GSE1: variants seen among roughly 807,000 people sequenced by gnomAD.
GSE1 encodes the protein genetic suppressor element 1.
GSE1 carries 32 observed loss-of-function variants against 112.6 expected under a neutral mutation model. The observed-to-expected ratio is 0.28, with a 90% CI of 0.21 to 0.38. The LOEUF (loss-of-function observed/expected upper bound fraction) is 0.38, where lower values mean the gene tolerates loss of function less well. Ranked by LOEUF, GSE1 falls within the 10% of genes least tolerant of loss-of-function variation. The probability of loss-of-function intolerance (pLI) is 1.00; values close to 1 mark genes in which losing one functional copy is unlikely to be tolerated. For missense variants in GSE1, 2,348 were observed against 1,699.2 expected (o/e 1.38, Z -6.71); for synonymous variants, 1,115 against 735.6 (o/e 1.52, Z -8.35).
intron 2 of GSE1, among the ~76,000 whole-genome samples, chr16:85,456,305 A>G (rs2049823211): frequency 2.0e-5 from 3 of 152,102 alleles, no homozygotes; most frequent in African/African-American, 4.8e-5. Flanking sequence ...AAAGTGGGAG[A>G]GAGAGAGGGC....
intron 2 of GSE1, among the ~76,000 whole-genome samples, chr16:85,645,553 C>G (rs1277839354): frequency 2.0e-5 from 3 of 150,706 alleles, no homozygotes; most frequent in African/African-American, 7.5e-5. Flanking sequence ...TCTGTTTCCA[C>G]ATCGGGATGC....
At chr16:85,636,763 C>T (rs1371934284) in intron 2 of GSE1, among the ~76,000 whole-genome samples, 1 of 152,042 alleles carries the variant, frequency 6.6e-6, no homozygotes, top group Admixed American at 6.5e-5. Context: ...GGAAAGGAAG[C>T]CCCCCTCACC....
chr16:85,577,920 G>A (rs1206318428), intron 1 of GSE1, among the ~76,000 whole-genome samples: 1 of 152,274 alleles, frequency 6.6e-6, no homozygotes, highest in Non-Finnish European at 1.5e-5. Context: ...GATGCCCGAT[G>A]GCCGTGCCTT....
At chr16:85,646,717 C>T (rs973464161) in intron 2 of GSE1, among the ~76,000 whole-genome samples, 2 of 152,144 alleles carry the variant, frequency 1.3e-5, no homozygotes. Flanking sequence ...GCAGGCCAGC[C>T]GGAGTCGGGG....
At chr16:85,615,587 G>C (rs1598392982) in intron 1 of GSE1, among the ~76,000 whole-genome samples, 1 of 152,148 alleles carries the variant, frequency 6.6e-6, no homozygotes, top group Admixed American at 6.5e-5. Context: ...CGGTGACCTA[G>C]GGTCAGCCCT....
intron 2 of GSE1, among the ~76,000 whole-genome samples, chr16:85,518,998 T>A (rs1348766666): frequency 6.6e-6 from 1 of 152,120 alleles, no homozygotes; most frequent in Non-Finnish European, 1.5e-5. Flanking sequence ...CCCGTCTGCC[T>A]CGGTTCAGAT....
intron 8 of GSE1, among the ~76,000 whole-genome samples, chr16:85,660,925 C>T (rs879709690): frequency 2.0e-5 from 3 of 152,084 alleles, no homozygotes; most frequent in Admixed American, 6.5e-5. Context: ...CCACTGCGCC[C>T]GGCCGAGTCT....
chr16:85,383,323 A>ACAT (rs2047602406), intron 2 of GSE1, among the ~76,000 whole-genome samples: 1 of 150,634 alleles, frequency 6.6e-6, no homozygotes, highest in African/African-American at 2.4e-5. Context: ...CACAGTCCTC[A>ACAT]GCACACACAC....
At position 85,663,589 on chromosome 16, in the gene GSE1, C is replaced by A. The variant is rs1567754554; in HGVS notation, c.2619C>A (p.Thr873=). The A allele has an allele frequency of 1.2e-6, 2 of 1,613,956 alleles. No individual in the cohort carries two copies. The highest frequency in any genetic ancestry group is 1.7e-6 in the Non-Finnish European group (2 of 1,179,996). ...AGTTCCTGACCATCTTCAACCTGAC[C>A]CACATCAGCGCTGAGAAGAGGAAAG... is the stretch of plus-strand genomic sequence containing the variant. ...KKKFLTIFNL[T]HISAEKRKDK... The change falls in exon 11 of 16, where the codon ACC becomes ACA. Residue 873 remains threonine, a synonymous_variant. Transcript: ENST00000253458.
intron 2 of GSE1, among the ~76,000 whole-genome samples, chr16:85,413,413 T>G (rs1194588633): frequency 1.3e-5 from 2 of 152,108 alleles, no homozygotes; most frequent in Non-Finnish European, 2.9e-5. Flanking sequence ...TCCCCAGCTG[T>G]GACCCCCAAG....
intron 1 of GSE1, among the ~76,000 whole-genome samples, chr16:85,563,615 C>T (rs979489101): frequency 2.0e-5 from 3 of 152,218 alleles, no homozygotes; most frequent in Non-Finnish European, 4.4e-5. Context: ...GAAGCCCAGG[C>T]CCTGAAGGAT....
intron 2 of GSE1, among the ~76,000 whole-genome samples, chr16:85,445,226 G>A (rs1054641277): frequency 6.6e-6 from 1 of 152,200 alleles, no homozygotes; most frequent in Non-Finnish European, 1.5e-5. Context: ...CTCCTCTCCC[G>A]GGAGCAGCTG....
intron 2 of GSE1, among the ~76,000 whole-genome samples, chr16:85,641,565 G>A (rs34026165): frequency 0.1 from 15,551 of 152,332 alleles, 954 homozygotes; most frequent in Non-Finnish European, 0.14. Context: ...GCAGGGGGTC[G>A]CGGCGTGACT....
At chr16:85,473,386 G>C (rs2050355336) in intron 2 of GSE1, among the ~76,000 whole-genome samples, 1 of 152,154 alleles carries the variant, frequency 6.6e-6, no homozygotes, top group Non-Finnish European at 1.5e-5. Flanking sequence ...GGAGTCCTGG[G>C]GCTGCCAGAT....
chr16:85,545,129 G>T lies in GSE1; in HGVS notation c.2465-88785G>T, dbSNP rs939266881. Among the ~76,000 whole-genome samples the T allele has an allele frequency of 5.9e-5, 9 of 152,344 alleles. 1 individual carries two copies. The highest frequency in any genetic ancestry group is 1.3e-4 in the Admixed American group (2 of 15,304). ...GACTCCCTCCAAAAGTGGCCCGTCTGCGTCCCAGGAGGCGTTCCGAGGACA... is the reference window on the plus strand; with the variant it reads ...GACTCCCTCCAAAAGTGGCCCGTCTTCGTCCCAGGAGGCGTTCCGAGGACA... On this transcript the variant is annotated intron_variant, in intron 2 of 2. Transcript: ENST00000637419.
intron 2 of GSE1, among the ~76,000 whole-genome samples, chr16:85,476,360 G>A (rs1464236972): frequency 2.0e-5 from 3 of 152,236 alleles, no homozygotes; most frequent in Admixed American, 2.0e-4. Context: ...TTGACGTTCA[G>A]GGATGGTGAG....
At chr16:85,513,987 C>G (rs1006592926) in intron 2 of GSE1, among the ~76,000 whole-genome samples, 3 of 152,046 alleles carry the variant, frequency 2.0e-5, no homozygotes, top group African/African-American at 7.2e-5. Flanking sequence ...CTGTTGAGAC[C>G]CCTCCACACT....
intron 1 of GSE1, among the ~76,000 whole-genome samples, chr16:85,264,749 C>T (rs909533570): frequency 7.9e-5 from 12 of 152,132 alleles, no homozygotes; most frequent in African/African-American, 2.4e-4. Context: ...GTCAGGAAAA[C>T]GATGTGAAAT....
Position 85,429,278 on chromosome 16 carries a change from G to A in GSE1, c.2464+71635G>A, listed in dbSNP as rs115670583. On this transcript the variant is annotated intron_variant, in intron 2 of 2. Transcript: ENST00000637419. ...ATGCCAGGTGCCACGGTCACATTCT[G>A]TGTGGCATGCATCACTGGCATGTTC... Among the ~76,000 whole-genome samples the A allele has an allele frequency of 3.7e-3, 558 of 152,326 alleles. 5 individuals carry two copies. The highest frequency in any genetic ancestry group is 0.013 in the African/African-American group (534 of 41,566).
Sources: gnomAD v4.1 joint callset for allele counts (sites outside exome capture counted in the v4.1 genomes callset) on GRCh38, gnomAD v4.1.1 for gene constraint, MANE v1.5 for transcripts, NCBI Gene and HGNC (gene_info 2026-07-23, HGNC 2026-07-21) for gene names.